Variants in HELQ observed in about 807,000 individuals in gnomAD.
The protein encoded by HELQ is helicase POLQ-like.
Under a neutral mutation model 111.6 loss-of-function variants are expected in HELQ, and 77 were observed. The observed-to-expected ratio is 0.69, with a 90% CI of 0.57 to 0.83. The LOEUF (loss-of-function observed/expected upper bound fraction) is 0.83. Ranked by LOEUF, HELQ falls within the 40% of genes least tolerant of loss-of-function variation. The pLI, the probability that HELQ is intolerant of heterozygous loss-of-function variation, is 0.00. For missense variants in HELQ, 1,200 were observed against 1,288.5 expected (o/e 0.93, Z 1.05); for synonymous variants, 438 against 454.7 (o/e 0.96, Z 0.47).
rs1202881963 is a variant in HELQ, at chr4:83,416,728, T to TACC, written c.3198_3198+2dup. ...AAGGTTAAAAAATGGTTTGTTTGCT[T>TACC]ACCTTTGCTGATGAAACAATTTGCT... On this transcript the variant is annotated splice_region_variant and intron_variant, in intron 17 of 17. Coordinates refer to ENST00000295488, the MANE Select transcript of HELQ (RefSeq NM_133636.5). The TACC allele has an allele frequency of 6.8e-6, 11 of 1,611,218 alleles. No homozygotes were observed. The highest frequency in any genetic ancestry group is 9.3e-6 in the Non-Finnish European group (11 of 1,179,330).
chr4:83,428,498 T>C (rs932589304), intron 12 of HELQ, among the ~76,000 whole-genome samples: 3 of 152,076 alleles, frequency 2.0e-5, no homozygotes, highest in African/African-American at 7.2e-5. Context: ...GAGACGAAGG[T>C]TGCAGCGAGC....
chr4:83,423,164 A>G (rs143209571), intron 14 of HELQ, among the ~76,000 whole-genome samples: 1,670 of 152,170 alleles, frequency 0.011, 25 homozygotes, highest in African/African-American at 0.038. Flanking sequence ...TGGGAGTGGT[A>G]GCTCACACCT....
In HELQ at chr4:83,455,632, C is replaced by A. The variant is rs145614597; in HGVS notation, c.62G>T (p.Ser21Ile). Residue 21 changes from serine to isoleucine, a missense_variant, in exon 1 of 18, where the codon AGC becomes ATC. By Grantham distance (142) the Ser-to-Ile change is moderately radical. This residue lies in a region of HELQ where 610 missense variants were observed against 607.1 expected (regional missense o/e 1.00). Coordinates refer to ENST00000295488, the MANE Select transcript of HELQ (RefSeq NM_133636.5). ...GGGAGCGCCAAAAATACACCCCAAG[C>A]TTGGACGGTTCCTTTTGGGGAGAGA... Reference protein sequence around the residue: ...RVSLPKRNRPSLGCIFGAPTA... With the variant: ...RVSLPKRNRPILGCIFGAPTA... 6.8e-6 allele frequency: 11 copies of A among 1,613,732 alleles called. No individual in the cohort carries two copies. The African/African-American group carries it at 1.5e-4, about 22-fold the overall frequency.
chr4:83,449,382 G>C (rs562224756), intron 2 of HELQ, among the ~76,000 whole-genome samples: 1 of 152,238 alleles, frequency 6.6e-6, no homozygotes, highest in South Asian at 2.1e-4. Context: ...CCATCTCAGA[G>C]AGAAGCAGGG....
At chr4:83,454,916 T>A (rs1648583288) in intron 1 of HELQ, among the ~76,000 whole-genome samples, 1 of 152,114 alleles carries the variant, frequency 6.6e-6, no homozygotes, top group Non-Finnish European at 1.5e-5. Context: ...AATTTGGAAT[T>A]GAGACTGAGA....
In HELQ at chr4:83,443,615, C is replaced by A; in HGVS notation, c.1466-1G>T. ...CTCATACCAATAATTTGAGTCGTTT[C>A]TAAAACACAAACAAACAAAAGCCAA... On this transcript the variant is annotated splice_acceptor_variant, in intron 5 of 17. Transcript: ENST00000295488. LOFTEE classifies it high-confidence loss of function. 1 of 1,412,390 alleles carries A rather than the reference C, an allele frequency of 7.1e-7. No homozygotes were observed. The highest frequency in any genetic ancestry group is 9.9e-7 in the Non-Finnish European group (1 of 1,014,670). The allele number at this position is 1,412,390 out of a possible 1,614,324, so 87.5% of individuals were successfully genotyped here.
rs748000042 is a variant in HELQ at position 83,453,489 on chromosome 4, T to C, written c.754A>G (p.Lys252Glu). The change falls in exon 2 of 18, where the codon AAA becomes GAA. Residue 252 changes from lysine (K) to glutamate (E), a missense_variant. Physicochemically the swap from Lys to Glu is moderately conservative, Grantham distance 56. This residue lies in a region of HELQ where 610 missense variants were observed against 607.1 expected (regional missense o/e 1.00). Coordinates refer to ENST00000295488, the MANE Select transcript of HELQ (RefSeq NM_133636.5). ...TTCATATCTGAACTAGTTCTGACTT[T>C]GGAAGAGGACTCATCATTTTGCTGG... ...QPQQNDESSSKVRTSSDMNRR... is the reference protein window; with the variant it reads ...QPQQNDESSSEVRTSSDMNRR... 1 of 1,613,144 alleles carries C rather than the reference T, an allele frequency of 6.2e-7. No individual in the cohort carries two copies. Among genetic ancestry groups the C allele is most frequent in the Admixed American group, 1.7e-5 (1 of 59,778 alleles).
chr4:83,432,170 T>G lies in HELQ; in HGVS notation c.2146A>C (p.Ile716Leu), dbSNP rs1720188634. 6.2e-7 allele frequency: 1 copy of G among 1,601,276 alleles called. No individual in the cohort carries two copies. Among genetic ancestry groups the G allele is most frequent in the African/African-American group, 1.3e-5 (1 of 74,408 alleles). ...TGCAATATGAGGATACTCTCCCCAA[T>G]AGTATCTATTCCAGCACGACCAGCT... ...GRAGRAGIDT[I>L]GESILILQEK... is the part of the protein sequence containing the mutation. The change falls in exon 10 of 18, where the codon ATT (isoleucine) becomes CTT (leucine). Residue 716 changes from isoleucine (I) to leucine (L), a missense_variant. Physicochemically the swap from Ile to Leu is conservative, Grantham distance 5. This residue lies in a region of HELQ where 585 missense variants were observed against 665.3 expected (regional missense o/e 0.88). Transcript: ENST00000295488.
At chr4:83,416,108 G>A (rs1277657030) in intron 17 of HELQ, among the ~76,000 whole-genome samples, 1 of 149,756 alleles carries the variant, frequency 6.7e-6, no homozygotes, top group Non-Finnish European at 1.5e-5. Flanking sequence ...CACCAAGTCT[G>A]GCTAAATTTT....
chr4:83,448,917 TTC>T lies in HELQ; in HGVS notation c.1055_1056del (p.Arg352LysfsTer18). ...GTTGGCAAGGAATATATTAAATTTT[TTC>T]TTTCTTGCACAGAATTCAATGTTAA... ...TCLTLNSVQE[R>X]KNLIYSLPTS... On this transcript the variant is annotated frameshift_variant, in exon 3 of 18. Coordinates refer to ENST00000295488, the MANE Select transcript of HELQ (RefSeq NM_133636.5). LOFTEE classifies it high-confidence loss of function. 6.2e-7 allele frequency: 1 copy of T among 1,612,238 alleles called. No homozygotes were observed. Among genetic ancestry groups the T allele is most frequent in the Non-Finnish European group, 8.5e-7 (1 of 1,178,522 alleles).
Position 83,453,415 on chromosome 4 carries a change from A to G in HELQ, c.828T>C (p.Asn276=), listed in dbSNP as rs772820848. 4.4e-6 allele frequency: 7 copies of G among 1,603,860 alleles called. No individual in the cohort carries two copies. Among genetic ancestry groups the G allele is most frequent in the Non-Finnish European group, 5.9e-6 (7 of 1,176,654 alleles). Reference sequence around the variant, plus strand: ...AAAATATTGGTGTCTGGGCCTTCGCATTTCCAGTCATGGCATTTTTTAGAT... The same window carrying G: ...AAAATATTGGTGTCTGGGCCTTCGCGTTTCCAGTCATGGCATTTTTTAGAT... ...KDHLKNAMTG[N]AKAQTPIFSR... Residue 276 remains asparagine, a synonymous_variant, in exon 2 of 18, where the codon AAT becomes AAC. Transcript: ENST00000295488.
Position 83,455,772 on chromosome 4 carries a change from G to A in HELQ, c.-79C>T. The A allele has an allele frequency of 1.5e-6, 2 of 1,363,372 alleles. No individual in the cohort carries two copies. The highest frequency in any genetic ancestry group is 2.0e-6 in the Non-Finnish European group (2 of 992,412). The allele number at this position is 1,363,372 out of a possible 1,614,324, so 84.5% of individuals were successfully genotyped here. ...GCCCATATGGAAGGGAGAGTGGGAC[G>A]CCGGAGCCCGCTTCTACATCCACCT... On this transcript the variant is annotated 5_prime_UTR_variant, in exon 1 of 18. Transcript: ENST00000295488.
chr4:83,437,226 A>C, intron 8 of HELQ, 129 bp from the exon 9 acceptor site: 1 of 865,838 alleles, frequency 1.2e-6, no homozygotes, highest in Non-Finnish European at 1.8e-6. Flanking sequence ...TAAGTACATT[A>C]AATGTTCTTA....
At chr4:83,417,349 CACG>C (rs1001497704) in intron 16 of HELQ, among the ~76,000 whole-genome samples, 6 of 151,968 alleles carry the variant, frequency 3.9e-5, no homozygotes, top group African/African-American at 9.7e-5. Context: ...ATTACAGGCG[CACG>C]ACACCATACT....
chr4:83,455,565 C>T lies in HELQ; in HGVS notation c.129G>A (p.Glu43=), dbSNP rs1198810779. ...ELVPGDEGKE[E]EEMVAENRRR... ...TCCTGTTCTCAGCCACCATTTCCTC[C>T]TCCTCTTTCCCCTCATCTCCGGGCA... The change falls in exon 1 of 18, where the codon GAG becomes GAA. Residue 43 remains glutamate (E), a synonymous_variant. Coordinates refer to ENST00000295488, the MANE Select transcript of HELQ (RefSeq NM_133636.5). The T allele has an allele frequency of 1.2e-6, 2 of 1,614,062 alleles. No homozygotes were observed. Among genetic ancestry groups the T allele is most frequent in the Admixed American group, 1.7e-5 (1 of 59,994 alleles).
chr4:83,450,221 T>TCAA (rs1560558802), intron 2 of HELQ, among the ~76,000 whole-genome samples: 2 of 40,612 alleles, frequency 4.9e-5, no homozygotes, highest in South Asian at 1.2e-3. Context: ...ACAGTTAAGT[T>TCAA]TAAAAAAAAA....
At chr4:83,407,703 A>C in intron 17 of HELQ, 143 bp from the exon 18 acceptor site, 1 of 606,862 alleles carries the variant, frequency 1.6e-6, no homozygotes, top group Non-Finnish European at 2.9e-6. Flanking sequence ...AAAAATGGCC[A>C]CTTAAGAATA....
intron 12 of HELQ, 121 bp downstream of exon 12, chr4:83,429,403 C>G (rs1165707489): frequency 1.4e-6 from 1 of 709,450 alleles, no homozygotes; most frequent in Non-Finnish European, 2.3e-6. Context: ...CTCCCCTTGG[C>G]CTCCCAGAGT....
At chr4:83,436,672 A>T (rs953538862) in intron 9 of HELQ, among the ~76,000 whole-genome samples, 186 bp downstream of exon 9, 1 of 152,258 alleles carries the variant, frequency 6.6e-6, no homozygotes, top group Non-Finnish European at 1.5e-5. Flanking sequence ...GTTATTTTTC[A>T]TTACATATTT....
Sources: allele counts gnomAD v4.1 joint callset (sites outside exome capture counted in the v4.1 genomes callset), GRCh38; gene constraint gnomAD v4.1.1; regional missense constraint gnomAD v4.1.1; transcripts MANE v1.5; gene names NCBI Gene and HGNC (gene_info 2026-07-23, HGNC 2026-07-21).